Variants in LRMDA observed in about 807,000 individuals in gnomAD.
LRMDA encodes the protein leucine-rich melanocyte differentiation-associated protein.
In LRMDA, 18 loss-of-function variants were observed where a neutral mutation model predicts 29.8. The observed-to-expected ratio is 0.60, with a 90% CI of 0.42 to 0.90. The LOEUF (loss-of-function observed/expected upper bound fraction) is 0.90. Among genes scored for constraint, LRMDA ranks in the 40% least tolerant of loss-of-function variants. The pLI, the probability that LRMDA is intolerant of heterozygous loss-of-function variation, is 0.00. For synonymous variants in LRMDA, 125 were observed against 109.4 expected (o/e 1.14, Z -0.89); for missense variants, 273 against 273.9 (o/e 1.00, Z 0.02).
intron 5 of LRMDA, among the ~76,000 whole-genome samples, chr10:76,304,800 T>A (rs1360231091): frequency 6.6e-6 from 1 of 151,350 alleles, no homozygotes; most frequent in Non-Finnish European, 1.5e-5. Context: ...TGGGAGGGAG[T>A]TAGGAAGGAA....
At chr10:75,448,470 G>T (rs1844419861) in intron 2 of LRMDA, among the ~76,000 whole-genome samples, 1 of 152,104 alleles carries the variant, frequency 6.6e-6, no homozygotes, top group African/African-American at 2.4e-5. Flanking sequence ...GTGATTTGGG[G>T]GTGTTAGGAA....
intron 5 of LRMDA, among the ~76,000 whole-genome samples, chr10:76,296,567 C>A (rs1021041314): frequency 5.3e-5 from 8 of 152,146 alleles, no homozygotes; most frequent in African/African-American, 1.9e-4. Flanking sequence ...GAGTTAGACA[C>A]CATTTAGTAG....
chr10:76,108,872 A>T (rs7088949), intron 5 of LRMDA, among the ~76,000 whole-genome samples: 2,088 of 152,250 alleles, frequency 0.014, 55 homozygotes, highest in African/African-American at 0.048. Flanking sequence ...TTATTTCTTC[A>T]AGTGCACTGT....
chr10:76,117,358 A>G (rs1049086569), intron 5 of LRMDA, among the ~76,000 whole-genome samples: 8 of 152,206 alleles, frequency 5.3e-5, no homozygotes, highest in Non-Finnish European at 1.2e-4. Flanking sequence ...GATGTTGATT[A>G]TCTTTAAATA....
chr10:76,502,444 T>C (rs2579758), intron 6 of LRMDA, among the ~76,000 whole-genome samples: 54,506 of 151,860 alleles, frequency 0.36, 11,051 homozygotes, highest in Middle Eastern at 0.53. Context: ...TATAAATTTC[T>C]TTGGGCAGTA....
chr10:75,593,073 C>CA (rs1840743699), intron 2 of LRMDA, among the ~76,000 whole-genome samples: 1 of 152,100 alleles, frequency 6.6e-6, no homozygotes, highest in African/African-American at 2.4e-5. Context: ...AACACATTGT[C>CA]AAAAAACGGA....
intron 5 of LRMDA, among the ~76,000 whole-genome samples, chr10:76,140,452 C>A (rs1346999700): frequency 6.6e-6 from 1 of 152,096 alleles, no homozygotes; most frequent in Non-Finnish European, 1.5e-5. Context: ...TTCTCTGTTT[C>A]ATTTCAAGAT....
At chr10:75,617,188 A>G (rs1841114871) in intron 2 of LRMDA, among the ~76,000 whole-genome samples, 1 of 152,208 alleles carries the variant, frequency 6.6e-6, no homozygotes, top group Non-Finnish European at 1.5e-5. Context: ...TGAGGCATTC[A>G]GGTAAGATCC....
At chr10:76,194,298 G>C (rs1424089056) in intron 5 of LRMDA, among the ~76,000 whole-genome samples, 1 of 152,174 alleles carries the variant, frequency 6.6e-6, no homozygotes, top group Non-Finnish European at 1.5e-5. Context: ...TGCATCCCAT[G>C]CCCTTGGAAA....
intron 2 of LRMDA, among the ~76,000 whole-genome samples, chr10:75,722,541 C>A (rs1249000330): frequency 1.3e-5 from 2 of 152,102 alleles, no homozygotes; most frequent in Non-Finnish European, 2.9e-5. Context: ...GGCACCAAGT[C>A]CAGGGCTAAC....
rs1319252032 is a variant in LRMDA, at chr10:76,558,245, A to AGAG, written c.*958_*960dup. ...TAAAGGGAGTGAGGTGATGAAAGAT[A>AGAG]GAGTGAAGGGTCAGGAGGTTAAAAA... On this transcript the variant is annotated 3_prime_UTR_variant, in exon 7 of 7. Coordinates refer to ENST00000611255, the MANE Select transcript of LRMDA (RefSeq NM_001305581.2). 2.9e-4 allele frequency: 44 copies of AGAG among 152,330 alleles called. No individual in the cohort carries two copies. Among genetic ancestry groups the AGAG allele is most frequent in the African/African-American group, 1.0e-3 (42 of 41,560 alleles). 9.4% of individuals were successfully genotyped at this position (152,330 alleles called of 1,614,324 possible).
At chr10:75,727,561 C>A (rs189530355) in intron 2 of LRMDA, among the ~76,000 whole-genome samples, 3 of 152,110 alleles carry the variant, frequency 2.0e-5, no homozygotes, top group Non-Finnish European at 2.9e-5. Flanking sequence ...GTATTATATA[C>A]CTACACTGTG....
chr10:76,004,202 A>T (rs1176963832), intron 2 of LRMDA, among the ~76,000 whole-genome samples: 1 of 152,238 alleles, frequency 6.6e-6, no homozygotes, highest in African/African-American at 2.4e-5. Context: ...ATATATAGGC[A>T]TTTACACCAT....
intron 5 of LRMDA, among the ~76,000 whole-genome samples, chr10:76,146,949 T>A (rs1850335439): frequency 1.3e-5 from 2 of 152,202 alleles, no homozygotes; most frequent in South Asian, 4.1e-4. Context: ...TTATGAAGCT[T>A]AGTTTGGCAG....
chr10:76,000,457 T>A (rs1233206323), intron 2 of LRMDA, among the ~76,000 whole-genome samples: 1 of 152,124 alleles, frequency 6.6e-6, no homozygotes, highest in Admixed American at 6.5e-5. Context: ...CCCTGGATGA[T>A]GGAGAAGTCC....
chr10:76,202,571 C>G (rs944367964), intron 5 of LRMDA, among the ~76,000 whole-genome samples: 2 of 151,974 alleles, frequency 1.3e-5, no homozygotes, highest in Non-Finnish European at 2.9e-5. Context: ...TGTGTGTTCA[C>G]CAAAATGAAG....
chr10:76,365,935 T>G (rs186192506), intron 6 of LRMDA, among the ~76,000 whole-genome samples: 1 of 152,158 alleles, frequency 6.6e-6, no homozygotes, highest in Non-Finnish European at 1.5e-5. Flanking sequence ...AGGTAAGAGA[T>G]GAGGATACAG....
intron 2 of LRMDA, among the ~76,000 whole-genome samples, chr10:75,586,374 TAGAGACAGG>T (rs1840656436): frequency 8.0e-6 from 1 of 124,648 alleles, no homozygotes. Flanking sequence ...TTTTTTAAAT[TAGAGACAGG>T]ATCTCACTCT....
chr10:75,477,755 A>G (rs564061878), intron 2 of LRMDA, among the ~76,000 whole-genome samples: 16 of 152,304 alleles, frequency 1.1e-4, no homozygotes, highest in Middle Eastern at 3.4e-3. Flanking sequence ...CCCTTGGGCT[A>G]AGCATCACTC....
Sources: gnomAD v4.1 joint callset for allele counts (sites outside exome capture counted in the v4.1 genomes callset) on GRCh38, gnomAD v4.1.1 for gene constraint, MANE v1.5 for transcripts, NCBI Gene and HGNC (gene_info 2026-07-23, HGNC 2026-07-21) for gene names.